GABRB2: variants seen among roughly 807,000 people sequenced by gnomAD.
GABRB2 encodes gamma-aminobutyric acid type A receptor subunit beta2, also known as gamma-aminobutyric acid receptor subunit beta-2.
Under a neutral mutation model 54.7 loss-of-function variants are expected in GABRB2, and 16 were observed. The ratio of observed to expected loss-of-function variants is 0.29; its 90% CI spans 0.20 to 0.44. The LOEUF is 0.44. Among genes scored for constraint, GABRB2 ranks in the 20% least tolerant of loss-of-function variants. GABRB2 has a pLI of 1.00. For synonymous variants in GABRB2, 244 were observed against 233.8 expected, an observed-to-expected ratio of 1.04 and a Z score of -0.40; for missense variants, 355 against 644.0, an observed-to-expected ratio of 0.55 and a Z score of 4.86.
intron 4 of GABRB2, among the ~76,000 whole-genome samples, chr5:161,431,104 G>A (rs375460306): frequency 6.6e-6 from 1 of 152,068 alleles, no homozygotes; most frequent in African/African-American, 2.4e-5. Flanking sequence ...TCTGGACCTG[G>A]CATTTCCAGC....
At chr5:161,484,628 A>C (rs937821346) in intron 3 of GABRB2, among the ~76,000 whole-genome samples, 11 of 151,986 alleles carry the variant, frequency 7.2e-5, no homozygotes, top group Non-Finnish European at 1.3e-4. Flanking sequence ...ACAACTGAAA[A>C]ACATAAAGGG....
intron 3 of GABRB2, among the ~76,000 whole-genome samples, chr5:161,509,233 TAA>T (rs1759693661): frequency 6.6e-6 from 1 of 152,022 alleles, no homozygotes; most frequent in Non-Finnish European, 1.5e-5. Flanking sequence ...ATTAGCTGAG[TAA>T]ACTCTAATGA....
At chr5:161,304,865 A>G (rs1200021096) in intron 9 of GABRB2, among the ~76,000 whole-genome samples, 1 of 152,068 alleles carries the variant, frequency 6.6e-6, no homozygotes, top group Admixed American at 6.5e-5. Context: ...GCCTCTTATT[A>G]TAAAGTACAG....
At chr5:161,415,171 C>T (rs1161280842) in intron 4 of GABRB2, among the ~76,000 whole-genome samples, 1 of 152,108 alleles carries the variant, frequency 6.6e-6, no homozygotes, top group African/African-American at 2.4e-5. Flanking sequence ...ATTTTTAAGA[C>T]CATTGTGAAA....
chr5:161,394,781 G>A (rs1269178510), intron 5 of GABRB2, among the ~76,000 whole-genome samples: 2 of 151,934 alleles, frequency 1.3e-5, no homozygotes, highest in African/African-American at 4.8e-5. Context: ...ATTCAAAAAC[G>A]AAGAAAATGC....
intron 3 of GABRB2, among the ~76,000 whole-genome samples, chr5:161,490,973 T>C (rs1759078822): frequency 6.6e-6 from 1 of 151,730 alleles, no homozygotes; most frequent in Non-Finnish European, 1.5e-5. Flanking sequence ...GGGTTCTTAA[T>C]GCTATCACAA....
intron 5 of GABRB2, among the ~76,000 whole-genome samples, chr5:161,386,812 A>G (rs1048920920): frequency 4.0e-5 from 5 of 124,286 alleles, no homozygotes; most frequent in African/African-American, 1.6e-4. Flanking sequence ...GGCATGAGCC[A>G]CTGTGCCCAG....
intron 3 of GABRB2, among the ~76,000 whole-genome samples, chr5:161,506,589 T>C (rs141622201): frequency 6.6e-6 from 1 of 152,304 alleles, no homozygotes; most frequent in East Asian, 1.9e-4. Context: ...TATCTATGGC[T>C]ATTGTCATGC....
At position 161,353,259 on chromosome 5, in the gene GABRB2, A is replaced by G. The variant is rs115585794; in HGVS notation, c.542-16490T>C. ...CACTCAGGGATTTGGAATTGGGCAG[A>G]TCACTTAATCTGCATTGTCAGTGAA... On this transcript the variant is annotated intron_variant, in intron 5 of 9. Coordinates refer to ENST00000393959, the MANE Select transcript of GABRB2 (RefSeq NM_001371727.1). Among the ~76,000 whole-genome samples, 132 of 152,170 alleles carry G rather than the reference A, an allele frequency of 8.7e-4. 1 individual carries two copies. The highest frequency in any genetic ancestry group is 6.8e-3 in the Middle Eastern group (2 of 294).
chr5:161,507,062 G>A (rs934373740), intron 3 of GABRB2, among the ~76,000 whole-genome samples: 2 of 151,978 alleles, frequency 1.3e-5, no homozygotes, highest in African/African-American at 4.8e-5. Flanking sequence ...GAATTTTAAA[G>A]CTCTGTTCAT....
chr5:161,522,171 C>G (rs1760135342), intron 3 of GABRB2, among the ~76,000 whole-genome samples: 1 of 151,844 alleles, frequency 6.6e-6, no homozygotes, highest in East Asian at 1.9e-4. Context: ...TTGATAGCCT[C>G]ATGTACATTT....
intron 7 of GABRB2, among the ~76,000 whole-genome samples, chr5:161,331,751 A>T (rs962754809): frequency 1.3e-5 from 2 of 152,056 alleles, no homozygotes; most frequent in Non-Finnish European, 2.9e-5. Context: ...GGGAGTTTGA[A>T]CTTAAAATTA....
intron 3 of GABRB2, among the ~76,000 whole-genome samples, chr5:161,488,006 T>C (rs1766953382): frequency 6.6e-6 from 1 of 151,856 alleles, no homozygotes; most frequent in Non-Finnish European, 1.5e-5. Flanking sequence ...CCATCTCTAT[T>C]AAAATACAGA....
intron 5 of GABRB2, among the ~76,000 whole-genome samples, chr5:161,410,354 A>C (rs186538515): frequency 4.6e-5 from 7 of 151,010 alleles, no homozygotes; most frequent in Admixed American, 2.0e-4. Flanking sequence ...GAAAGCAAGC[A>C]CATTGCAAAA....
chr5:161,507,433 G>A (rs569892822), intron 3 of GABRB2, among the ~76,000 whole-genome samples: 6 of 152,132 alleles, frequency 3.9e-5, no homozygotes, highest in African/African-American at 1.4e-4. Flanking sequence ...GGAACTTTCT[G>A]TATCATCTTT....
intron 3 of GABRB2, among the ~76,000 whole-genome samples, chr5:161,482,328 T>C (rs533810792): frequency 6.6e-5 from 10 of 152,192 alleles, no homozygotes; most frequent in African/African-American, 2.4e-4. Flanking sequence ...TTTGGTTTCA[T>C]GTAGTAGGGG....
chr5:161,405,170 T>C (rs1179512749), intron 5 of GABRB2, among the ~76,000 whole-genome samples: 1 of 152,062 alleles, frequency 6.6e-6, no homozygotes, highest in Non-Finnish European at 1.5e-5. Context: ...CCATCCTTCC[T>C]AGCCTCAGTG....
chr5:161,398,133 A>G (rs898402573), intron 5 of GABRB2, among the ~76,000 whole-genome samples: 3 of 152,214 alleles, frequency 2.0e-5, no homozygotes, highest in Non-Finnish European at 2.9e-5. Flanking sequence ...AAGTAGCCAG[A>G]AATCACTTAT....
intron 9 of GABRB2, among the ~76,000 whole-genome samples, chr5:161,305,923 G>C (rs1444808237): frequency 6.6e-6 from 1 of 152,188 alleles, no homozygotes; most frequent in Non-Finnish European, 1.5e-5. Flanking sequence ...CACTAAGAGG[G>C]AAAAGGGGTG....
Sources: gnomAD v4.1 joint callset for allele counts (sites outside exome capture counted in the v4.1 genomes callset) on GRCh38, gnomAD v4.1.1 for gene constraint, MANE v1.5 for transcripts, NCBI Gene and HGNC (gene_info 2026-07-23, HGNC 2026-07-21) for gene names.